Variants in CFAP92 observed in about 807,000 individuals in gnomAD.
CFAP92 encodes cilia and flagella associated protein 92 (putative).
A neutral mutation model predicts 106.3 loss-of-function variants in CFAP92; 86 were observed. The observed-to-expected ratio is 0.81, with a 90% CI of 0.68 to 0.97. CFAP92 has a LOEUF of 0.97. Among genes scored for constraint, CFAP92 ranks in the 50% least tolerant of loss-of-function variants. The pLI is 0.00. For missense variants in CFAP92, 1,204 were observed against 1,283.8 expected, an observed-to-expected ratio of 0.94 and a Z score of 0.95; for synonymous variants, 477 against 506.4, an observed-to-expected ratio of 0.94 and a Z score of 0.78.
intron 4 of CFAP92, among the ~76,000 whole-genome samples, chr3:128,987,384 T>C (rs752582873): frequency 1.3e-5 from 2 of 151,898 alleles, no homozygotes; most frequent in Non-Finnish European, 2.9e-5. Context: ...TGCCCTGGAA[T>C]GAAAGGGCCC....
the CFAP92 span, among the ~76,000 whole-genome samples, chr3:129,010,804 C>T: frequency 3.3e-5 from 5 of 152,110 alleles, no homozygotes; most frequent in African/African-American, 1.2e-4. The surrounding 1 kb of genome is among the most constrained non-coding windows in gnomAD (Gnocchi z 4.3). Flanking sequence ...GCCTTTCCTC[C>T]TCCAGGAACA....
chr3:128,933,655 T>A (rs532406095), intron 11 of CFAP92, among the ~76,000 whole-genome samples: 1 of 152,346 alleles, frequency 6.6e-6, no homozygotes, highest in Non-Finnish European at 1.5e-5. Flanking sequence ...TTCCTCACCC[T>A]CAGACAGAAA....
At chr3:128,922,898 T>C (rs1291371832) in intron 12 of CFAP92, among the ~76,000 whole-genome samples, 1 of 152,250 alleles carries the variant, frequency 6.6e-6, no homozygotes, top group Non-Finnish European at 1.5e-5. Flanking sequence ...TAAGGATTGC[T>C]TTTTTGCTAT....
chr3:128,910,924 G>GACC (rs1363083547), intron 15 of CFAP92: 2 of 1,331,006 alleles, frequency 1.5e-6, no homozygotes, highest in Non-Finnish European at 2.2e-6. Context: ...GCTACTCACA[G>GACC]ACCTCTGCCT....
upstream of CFAP92, among the ~76,000 whole-genome samples, chr3:129,007,371 A>G (rs151028768): frequency 6.6e-6 from 1 of 152,206 alleles, no homozygotes; most frequent in Non-Finnish European, 1.5e-5. Context: ...CCATGCCCCA[A>G]ACAGTAGAGC....
chr3:128,918,345 C>T (rs184026642), intron 12 of CFAP92, among the ~76,000 whole-genome samples: 69 of 152,268 alleles, frequency 4.5e-4, no homozygotes, highest in Non-Finnish European at 8.8e-4. Context: ...TGGTGGCACA[C>T]GCCTGTAGTC....
chr3:129,000,273 G>C (rs1381790434), intron 1 of CFAP92, among the ~76,000 whole-genome samples: 1 of 152,220 alleles, frequency 6.6e-6, no homozygotes, highest in Non-Finnish European at 1.5e-5. Flanking sequence ...TGTCCAAAAT[G>C]CTTGGGGAGA....
intron 9 of CFAP92, among the ~76,000 whole-genome samples, chr3:128,961,938 G>T (rs1319048511): frequency 6.6e-6 from 1 of 152,246 alleles, no homozygotes; most frequent in South Asian, 2.1e-4. Context: ...GAACCGCAGT[G>T]GCCAGGTGTT....
At chr3:128,940,953 C>T (rs1375920874) in intron 10 of CFAP92, among the ~76,000 whole-genome samples, 1 of 151,880 alleles carries the variant, frequency 6.6e-6, no homozygotes, top group African/African-American at 2.4e-5. Flanking sequence ...ACTTTAAAAG[C>T]TGTTGGGATT....
Position 129,001,684 on chromosome 3 carries a change from C to T in CFAP92, n.117+890G>A, listed in dbSNP as rs959906792. On this transcript the variant is annotated intron_variant and non_coding_transcript_variant, in intron 1 of 4. Coordinates refer to the CFAP92 transcript ENST00000510149. The stretch of plus-strand genomic sequence containing the variant: ...GGCATGGAGGGCGCGGGAGGTGACC[C>T]GTACCGGCGACCTGCGCGGCGCACG... 1.4e-5 allele frequency: 21 copies of T among 1,481,242 alleles called. No individual in the cohort carries two copies. In the African/African-American group the frequency reaches 2.0e-4, roughly 14 times the overall value. 91.8% of individuals were successfully genotyped at this position (1,481,242 alleles called of 1,614,324 possible).
intron 1 of CFAP92, chr3:129,002,026 T>G: frequency 6.5e-7 from 1 of 1,544,318 alleles, no homozygotes; most frequent in Non-Finnish European, 8.7e-7. Flanking sequence ...CGCCTGGCGC[T>G]GCGCGCCGAG....
At chr3:128,972,812 G>A (rs570448758) in intron 7 of CFAP92, among the ~76,000 whole-genome samples, 7 of 150,928 alleles carry the variant, frequency 4.6e-5, no homozygotes, top group African/African-American at 1.5e-4. Flanking sequence ...CCCAGATCGC[G>A]CCATTGTACT....
At chr3:129,004,762 G>A (rs1371087345), upstream of CFAP92, among the ~76,000 whole-genome samples, 4 of 152,088 alleles carry the variant, frequency 2.6e-5, no homozygotes, top group Admixed American at 6.6e-5. Context: ...TGTGAGGTGG[G>A]TACTGCTATG....
In CFAP92 at chr3:128,945,844, G is replaced by C; in HGVS notation, c.1485C>G (p.Pro495=). ...CCTCCAGGTATTCCCTTAGGTCACT[G>C]GGGTGCAGTGCCCCAAGGAAGATGA... ...INVIFLGALH[P]SDLREYLEGP... The change falls in exon 10 of 16, where the codon CCC becomes CCG. Residue 495 remains proline (P), a synonymous_variant. Transcript: ENST00000645291. 2 of 1,507,554 alleles carry C rather than the reference G, an allele frequency of 1.3e-6. No homozygotes were observed. Among genetic ancestry groups the C allele is most frequent in the Non-Finnish European group, 1.8e-6 (2 of 1,134,798 alleles). 93.4% of individuals were successfully genotyped at this position (1,507,554 alleles called of 1,614,324 possible). A position where few individuals can be genotyped will look rare whatever the true frequency, so the allele number is the denominator to read the frequency against.
At chr3:128,982,607 T>C (rs1204820237) in intron 4 of CFAP92, among the ~76,000 whole-genome samples, 3 of 152,228 alleles carry the variant, frequency 2.0e-5, no homozygotes, top group Non-Finnish European at 4.4e-5. Context: ...CTAGCTTTCA[T>C]CCTATCTAGG....
intron 12 of CFAP92, among the ~76,000 whole-genome samples, chr3:128,930,969 C>T (rs900880680): frequency 1.6e-4 from 24 of 151,980 alleles, no homozygotes; most frequent in Admixed American, 4.6e-4. Context: ...TGCAGTGGCG[C>T]GATCTTGGCT....
At chr3:128,935,031 G>A in intron 11 of CFAP92, 94 bp downstream of exon 11, 2 of 1,000,892 alleles carry the variant, frequency 2.0e-6, no homozygotes, top group Non-Finnish European at 1.4e-6. Flanking sequence ...CTATCTAGTT[G>A]TTGGATGCCC....
chr3:128,988,742 C>T lies in CFAP92; in HGVS notation c.439G>A (p.Glu147Lys). 1 of 1,613,622 alleles carries T rather than the reference C, an allele frequency of 6.2e-7. No individual in the cohort carries two copies. The highest frequency in any genetic ancestry group is 8.5e-7 in the Non-Finnish European group (1 of 1,179,872). ...CACACACGCACCTTTACTCCTGACT[C>T]CAGGAATACTTTGGCCACCATTGGA... ...LFPMVAKVFL[E>K]SGVKTVKPWH... Residue 147 changes from glutamate (E) to lysine (K), a missense_variant, in exon 3 of 16, where the codon GAG (glutamate) becomes AAG (lysine). By Grantham distance (56) the Glu-to-Lys change is moderately conservative. Coordinates refer to ENST00000645291, the MANE Select transcript of CFAP92 (RefSeq NM_001394090.1).
intron 9 of CFAP92, among the ~76,000 whole-genome samples, chr3:128,949,816 A>T (rs1940607262): frequency 6.6e-6 from 1 of 152,102 alleles, no homozygotes; most frequent in African/African-American, 2.4e-5. Flanking sequence ...CCTCCTGAGG[A>T]GCTGGGATCA....
Sources: gnomAD v4.1 joint callset for allele counts (sites outside exome capture counted in the v4.1 genomes callset) on GRCh38, gnomAD v4.1.1 for gene constraint, Gnocchi (gnomAD v3.1) non-coding constraint, MANE v1.5 for transcripts, NCBI Gene and HGNC (gene_info 2026-07-23, HGNC 2026-07-21) for gene names.